STIM2: variants seen among roughly 807,000 people sequenced by gnomAD.
STIM2 encodes the protein stromal interaction molecule 2.
A neutral mutation model predicts 85.8 loss-of-function variants in STIM2; 31 were observed. The observed-to-expected ratio is 0.36, with a 90% CI of 0.27 to 0.49. The LOEUF (loss-of-function observed/expected upper bound fraction) is 0.49, where lower values mean the gene tolerates loss of function less well. Among genes scored for constraint, STIM2 ranks in the 20% least tolerant of loss-of-function variants. The pLI is 0.98. For missense variants in STIM2, 841 were observed against 927.6 expected, an observed-to-expected ratio of 0.91 and a Z score of 1.21; for synonymous variants, 356 against 331.1, an observed-to-expected ratio of 1.08 and a Z score of -0.82.
At chr4:26,972,911 T>G (rs1727018765) in intron 3 of STIM2, among the ~76,000 whole-genome samples, 1 of 152,228 alleles carries the variant, frequency 6.6e-6, no homozygotes. Context: ...ATTGCCTCAA[T>G]TTCAGAGCCT....
At chr4:27,006,141 G>A (rs1728325094) in intron 7 of STIM2, among the ~76,000 whole-genome samples, 1 of 152,004 alleles carries the variant, frequency 6.6e-6, no homozygotes, top group Admixed American at 6.6e-5. Context: ...ATGTTGCTCG[G>A]GATTTGTTTG....
intron 1 of STIM2, among the ~76,000 whole-genome samples, chr4:26,870,534 A>G (rs968522623): frequency 5.9e-5 from 9 of 152,194 alleles, no homozygotes; most frequent in African/African-American, 2.2e-4. Flanking sequence ...CTTCTTTGGA[A>G]CAAAGTATAA....
At chr4:26,879,240 A>G (rs1221021387) in intron 1 of STIM2, among the ~76,000 whole-genome samples, 1 of 152,040 alleles carries the variant, frequency 6.6e-6, no homozygotes, top group East Asian at 1.9e-4. Flanking sequence ...TAGATCTTCC[A>G]TTTTTGTATA....
rs1722947044 is a variant in STIM2, at chr4:26,880,067, G to A, written c.151+18698G>A. ...TTCTCCCCCCGCTTTAGAGGCTTAT[G>A]TAATTATGATAGAATAGAAACCTTT... is the stretch of plus-strand genomic sequence containing the variant. On this transcript the variant is annotated intron_variant, in intron 1 of 11. Coordinates refer to ENST00000467087, the MANE Select transcript of STIM2 (RefSeq NM_020860.4). 2.0e-5 allele frequency among the ~76,000 whole-genome samples: 3 copies of A among 152,208 alleles called. No homozygotes were observed. The South Asian group carries it at 6.2e-4, about 31-fold the overall frequency.
At position 26,865,413 on chromosome 4, in the gene STIM2, G is replaced by A. The variant is rs528746131; in HGVS notation, c.151+4044G>A. On this transcript the variant is annotated intron_variant, in intron 1 of 11. Transcript: ENST00000467087. The stretch of plus-strand genomic sequence containing the variant: ...GTTAGAAAAGTGGATCCAAGATTTA[G>A]CTTCCTTTTATGCAAAAGGAGGACA... 1.5e-3 allele frequency among the ~76,000 whole-genome samples: 227 copies of A among 152,244 alleles called. 1 individual carries two copies. Among genetic ancestry groups the A allele is most frequent in the Non-Finnish European group, 2.4e-3 (160 of 67,992 alleles).
At chr4:26,922,174 C>T (rs1197776480) in intron 2 of STIM2, among the ~76,000 whole-genome samples, 1 of 151,938 alleles carries the variant, frequency 6.6e-6, no homozygotes, top group Non-Finnish European at 1.5e-5. Context: ...GTGGATAATT[C>T]ATTCTCTCAA....
chr4:26,921,641 T>C (rs1408034106), intron 2 of STIM2, among the ~76,000 whole-genome samples: 1 of 152,238 alleles, frequency 6.6e-6, no homozygotes, highest in Non-Finnish European at 1.5e-5. Flanking sequence ...TTAAAATATG[T>C]TCCTTTTTCT....
intron 3 of STIM2, among the ~76,000 whole-genome samples, chr4:26,958,090 A>G (rs1577462472): frequency 6.6e-6 from 1 of 152,136 alleles, no homozygotes; most frequent in African/African-American, 2.4e-5. Flanking sequence ...AATAGTTCCT[A>G]ATGTTTTTAG....
chr4:27,002,474 A>G (rs892454143), intron 6 of STIM2, 80 bp downstream of exon 6: 1 of 1,120,462 alleles, frequency 8.9e-7, no homozygotes, highest in Non-Finnish European at 1.3e-6. Flanking sequence ...GTGCTTAAAT[A>G]CTTACATTTA....
At chr4:26,873,485 A>C (rs527773543) in intron 1 of STIM2, 1 of 328,994 alleles carries the variant, frequency 3.0e-6, no homozygotes, top group Admixed American at 4.1e-5. Context: ...TGGCCAGAGC[A>C]GGGGGGCTCT....
In STIM2 at chr4:26,906,981, A is replaced by C. The variant is rs551777053; in HGVS notation, c.152-12523A>C. ...GACTCCGTCTCAAAAAAAAAAAAAA[A>C]AAGAATATGCAGAAAACATTGCATG... On this transcript the variant is annotated intron_variant, in intron 1 of 11. Coordinates refer to ENST00000467087, the MANE Select transcript of STIM2 (RefSeq NM_020860.4). 2.4e-3 allele frequency among the ~76,000 whole-genome samples: 372 copies of C among 152,138 alleles called. 2 individuals are homozygous for C. The highest frequency in any genetic ancestry group is 0.019 in the South Asian group (90 of 4,824).
At chr4:26,888,376 A>G (rs955726883) in intron 1 of STIM2, among the ~76,000 whole-genome samples, 3 of 152,240 alleles carry the variant, frequency 2.0e-5, no homozygotes, top group African/African-American at 4.8e-5. Flanking sequence ...CATTCTCCCT[A>G]ATAAGCTATA....
At chr4:26,988,657 G>A (rs539658096) in intron 3 of STIM2, among the ~76,000 whole-genome samples, 1 of 152,180 alleles carries the variant, frequency 6.6e-6, no homozygotes, top group Admixed American at 6.5e-5. Context: ...TAAGAACCTC[G>A]ACTCCATACA....
intron 1 of STIM2, among the ~76,000 whole-genome samples, chr4:26,866,736 A>C (rs1722423177): frequency 6.6e-6 from 1 of 152,200 alleles, no homozygotes; most frequent in African/African-American, 2.4e-5. Flanking sequence ...GTATACTGGC[A>C]AGAATGAGAC....
chr4:27,023,418 C>A lies in STIM2; in HGVS notation c.*422C>A. 6.0e-6 allele frequency: 1 copy of A among 167,730 alleles called. No homozygotes were observed. Among genetic ancestry groups the A allele is most frequent in the Non-Finnish European group, 1.3e-5 (1 of 76,584 alleles). The allele number at this position is 167,730 out of a possible 1,614,324, so 10.4% of individuals were successfully genotyped here. A position where few individuals can be genotyped will look rare whatever the true frequency, so the allele number is the denominator to read the frequency against. On this transcript the variant is annotated 3_prime_UTR_variant, in exon 12 of 12. Transcript: ENST00000467087. ...TCCACAGAGCTATTTACATCCTGGA[C>A]TATATAACTTAAAAGAAGTAAAACG...
At chr4:27,004,809 T>C (rs906780747) in intron 7 of STIM2, among the ~76,000 whole-genome samples, 34 of 152,322 alleles carry the variant, frequency 2.2e-4, no homozygotes, top group African/African-American at 7.9e-4. Flanking sequence ...AAAAGAACAC[T>C]GTCTGGCATG....
At chr4:26,893,202 A>G (rs1320895184) in intron 1 of STIM2, among the ~76,000 whole-genome samples, 1 of 152,174 alleles carries the variant, frequency 6.6e-6, no homozygotes, top group Non-Finnish European at 1.5e-5. Context: ...GGAACCATTA[A>G]ACCACCTTCA....
intron 3 of STIM2, among the ~76,000 whole-genome samples, chr4:26,984,719 A>ACT (rs767557999): frequency 2.6e-5 from 4 of 152,326 alleles, no homozygotes; most frequent in Admixed American, 6.5e-5. Context: ...TCTTCATGGA[A>ACT]CTAGGTATTG....
intron 2 of STIM2, among the ~76,000 whole-genome samples, chr4:26,930,415 T>C (rs1394489592): frequency 6.6e-6 from 1 of 152,082 alleles, no homozygotes; most frequent in African/African-American, 2.4e-5. Flanking sequence ...CTTGTTCTAG[T>C]TTTTCTTTGT....
Sources: allele counts gnomAD v4.1 joint callset (sites outside exome capture counted in the v4.1 genomes callset), GRCh38; gene constraint gnomAD v4.1.1; transcripts MANE v1.5; gene names NCBI Gene and HGNC (gene_info 2026-07-23, HGNC 2026-07-21).